ZNF185: variants seen among roughly 807,000 people sequenced by gnomAD.
The protein encoded by ZNF185 is zinc finger protein 185 with LIM domain.
In ZNF185, 56 loss-of-function variants were observed where a neutral mutation model predicts 58.6. That is an observed-to-expected ratio of 0.95 (90% CI 0.77 to 1.19). The LOEUF (loss-of-function observed/expected upper bound fraction) is 1.19. ZNF185 is among the 50% of genes most tolerant of loss of function. The pLI is 0.00. For missense variants in ZNF185, 627 were observed against 573.5 expected, an observed-to-expected ratio of 1.09 and a Z score of -0.95; for synonymous variants, 230 against 215.9, an observed-to-expected ratio of 1.07 and a Z score of -0.57.
chrX:152,968,253 C>T (rs1020339332), intron 20 of ZNF185, among the ~76,000 whole-genome samples: 1 of 112,054 alleles, frequency 8.9e-6, no homozygotes, highest in African/African-American at 3.2e-5. Flanking sequence ...TGGTCAGAAA[C>T]CTGAGAGTTA....
chrX:152,899,436 C>T, the ZNF185 span, among the ~76,000 whole-genome samples: 1 of 112,892 alleles, frequency 8.9e-6, no homozygotes, highest in African/African-American at 3.2e-5. Context: ...GGCCTTGGTG[C>T]CTCCGCTGTT....
chrX:152,924,582 C>G (rs782545213), intron 11 of ZNF185, among the ~76,000 whole-genome samples: 2 of 112,290 alleles, frequency 1.8e-5, no homozygotes, highest in Admixed American at 1.9e-4. Context: ...TTGGGTGGCA[C>G]AAGTCAGCCC....
the ZNF185 span, among the ~76,000 whole-genome samples, chrX:152,900,181 G>T: frequency 8.9e-6 from 1 of 112,091 alleles, no homozygotes; most frequent in Admixed American, 9.4e-5. Flanking sequence ...CTGAGATCTG[G>T]CAGGGCAGGG....
the ZNF185 span, among the ~76,000 whole-genome samples, chrX:152,907,353 C>T: frequency 2.7e-5 from 3 of 113,072 alleles, no homozygotes; most frequent in African/African-American, 9.6e-5. Flanking sequence ...ATTGGCTCCT[C>T]GCTCCTATCT....
At chrX:152,939,970 A>C (rs932915149) in intron 15 of ZNF185, among the ~76,000 whole-genome samples, 1 of 109,699 alleles carries the variant, frequency 9.1e-6, no homozygotes, top group South Asian at 3.9e-4. Context: ...TTTACTAGGG[A>C]TAGGGTTTCA....
chrX:152,902,060 T>A, the ZNF185 span, among the ~76,000 whole-genome samples: 1 of 112,101 alleles, frequency 8.9e-6, no homozygotes, highest in Admixed American at 9.4e-5. Context: ...GGGAGGTGGG[T>A]CCAGGCCAGC....
intron 16 of ZNF185, 62 bp downstream of exon 18, chrX:152,945,526 C>T: frequency 9.0e-7 from 1 of 1,107,931 alleles, no homozygotes; most frequent in Non-Finnish European, 1.2e-6. Context: ...AGGTCTGCGA[C>T]CCACATGGGA....
chrX:152,920,716 C>A, exon 9 of ZNF185: 1 of 1,212,025 alleles, frequency 8.3e-7, no homozygotes. Context: ...GCAGTCCTAC[C>A]CAGGAGACAC....
chrX:152,926,308 G>A (rs188866311), intron 11 of ZNF185, among the ~76,000 whole-genome samples: 132 of 112,737 alleles, frequency 1.2e-3, no homozygotes, highest in Non-Finnish European at 2.2e-3. Flanking sequence ...AAATGAGATC[G>A]TGCACCTGAA....
chrX:152,902,490 G>GAAATAA, the ZNF185 span, among the ~76,000 whole-genome samples: 3 of 112,780 alleles, frequency 2.7e-5, no homozygotes, highest in East Asian at 2.8e-4. Flanking sequence ...GCTTTAAACT[G>GAAATAA]AAATAAAAAT....
At chrX:152,965,919 C>T (rs1424293738) in intron 19 of ZNF185, among the ~76,000 whole-genome samples, 1 of 110,997 alleles carries the variant, frequency 9.0e-6, no homozygotes, top group Non-Finnish European at 1.9e-5. Context: ...TCTGTCATGC[C>T]AGGCTGCCTC....
chrX:152,931,603 TG>T (rs1485586339), intron 12 of ZNF185, 68 bp from the exon 14 acceptor site: 1 of 946,256 alleles, frequency 1.1e-6, no homozygotes, highest in Non-Finnish European at 1.5e-6. Context: ...CGTTTGAGGA[TG>T]AGGTAACAGC....
intron 16 of ZNF185, among the ~76,000 whole-genome samples, chrX:152,955,899 T>TA (rs77247991): frequency 4.6e-3 from 414 of 89,185 alleles, no homozygotes; most frequent in African/African-American, 0.013. Context: ...AGACTCCACC[T>TA]AAAAAAAAAA....
At chrX:152,957,286 C>G (rs1569514330) in intron 16 of ZNF185, among the ~76,000 whole-genome samples, 1 of 107,471 alleles carries the variant, frequency 9.3e-6, no homozygotes, top group Non-Finnish European at 1.9e-5. Context: ...GTTGGCCAGG[C>G]TGGTCTCGAA....
At position 152,943,541 on chromosome X, in the gene ZNF185, C is replaced by A. The variant is rs58356011; in HGVS notation, c.1212-1726C>A. Among the ~76,000 whole-genome samples the A allele has an allele frequency of 3.7e-3, 413 of 112,462 alleles. 4 individuals carry two copies. In the East Asian group the frequency reaches 0.069, roughly 19 times the overall value. On this transcript the variant is annotated intron_variant, in intron 15 of 22. Transcript: ENST00000449285. ...GGACAGGATAGCTGGGAAGTAATTC[C>A]CCTGGATGTTACATTGTCCAGCAGA...
rs1480248885 is a variant in ZNF185, at chrX:152,920,816, G to T, written c.656+68G>T. 4.3e-5 allele frequency: 49 copies of T among 1,136,530 alleles called. No individual in the cohort carries two copies. The East Asian group carries it at 1.5e-3, about 34-fold the overall frequency. The allele number at this position is 1,136,530 out of a possible 1,213,427, so 93.7% of individuals were successfully genotyped here. On this transcript the variant is annotated intron_variant, in intron 9 of 22. Coordinates refer to ENST00000449285, the Ensembl canonical transcript of ZNF185. ...ACAGGAAGGCCTTCCGTCAGCAGGG[G>T]TGTAGTGTGGGAGCTGTGGAGAGGG...
chrX:152,969,102 C>T (rs1263575060), intron 20 of ZNF185, among the ~76,000 whole-genome samples: 1 of 112,222 alleles, frequency 8.9e-6, no homozygotes, highest in Non-Finnish European at 1.9e-5. Flanking sequence ...GGGAGGCAAA[C>T]TGTCTGGAAT....
At chrX:152,906,942 G>T in the ZNF185 span, among the ~76,000 whole-genome samples, 2 of 110,675 alleles carry the variant, frequency 1.8e-5, no homozygotes, top group Non-Finnish European at 3.8e-5. Context: ...TTGCTCCCTT[G>T]CCCTCCCAGT....
intron 20 of ZNF185, among the ~76,000 whole-genome samples, chrX:152,967,550 A>G (rs887523587): frequency 3.6e-5 from 4 of 112,195 alleles, no homozygotes; most frequent in South Asian, 3.7e-4. Flanking sequence ...AACCTAATCA[A>G]TCACTTCATT....
Sources: gnomAD v4.1 joint callset for allele counts (sites outside exome capture counted in the v4.1 genomes callset) on GRCh38, gnomAD v4.1.1 for gene constraint, MANE v1.5 for transcripts, NCBI Gene and HGNC (gene_info 2026-07-23, HGNC 2026-07-21) for gene names.